Variants in PLEKHO2 observed in about 807,000 individuals in gnomAD.
The protein encoded by PLEKHO2 is pleckstrin homology domain-containing family O member 2.
PLEKHO2 carries 20 observed loss-of-function variants against 32.7 expected under a neutral mutation model. The observed-to-expected ratio is 0.61, with a 90% CI of 0.43 to 0.89. The LOEUF (loss-of-function observed/expected upper bound fraction) is 0.89. Among genes scored for constraint, PLEKHO2 ranks in the 40% least tolerant of loss-of-function variants. The pLI is 0.00. For synonymous variants in PLEKHO2, 247 were observed against 246.3 expected (o/e 1.00, Z -0.03); for missense variants, 568 against 621.2 (o/e 0.91, Z 0.91).
At chr15:64,861,969 A>G (rs1022459096) in intron 5 of PLEKHO2, among the ~76,000 whole-genome samples, 2 of 152,174 alleles carry the variant, frequency 1.3e-5, no homozygotes, top group African/African-American at 4.8e-5. Context: ...CTAGGAGGTC[A>G]GGGCAGGAGG....
chr15:64,844,347 T>C (rs1195508884), intron 1 of PLEKHO2, among the ~76,000 whole-genome samples: 1 of 152,224 alleles, frequency 6.6e-6, no homozygotes, highest in Non-Finnish European at 1.5e-5. Context: ...CCCACCTGTG[T>C]GCTCCTGGCC....
intron 3 of PLEKHO2, among the ~76,000 whole-genome samples, chr15:64,858,422 A>G (rs1006221059): frequency 2.6e-5 from 4 of 152,186 alleles, no homozygotes; most frequent in Non-Finnish European, 5.9e-5. Flanking sequence ...CAAGCTGGCG[A>G]CCGCCAACAA....
chr15:64,863,062 C>T (rs760742717), intron 5 of PLEKHO2, among the ~76,000 whole-genome samples: 4 of 151,636 alleles, frequency 2.6e-5, no homozygotes, highest in East Asian at 1.9e-4. Context: ...CTCAGCCTCT[C>T]GAGTAGCTGG....
At chr15:64,853,529 C>T (rs945119552) in intron 2 of PLEKHO2, among the ~76,000 whole-genome samples, 2 of 152,014 alleles carry the variant, frequency 1.3e-5, no homozygotes, top group East Asian at 1.9e-4. Flanking sequence ...CTCCTGAACT[C>T]GTGATCTGCC....
At position 64,841,933 on chromosome 15, in the gene PLEKHO2, G is replaced by A. The variant is rs1331010834; in HGVS notation, c.-84G>A. On this transcript the variant is annotated 5_prime_UTR_variant, in exon 1 of 6. Transcript: ENST00000323544. ...GCGGGACAGAACGCGGAGAGTCGCCGCCTGGCCGGGCGTAGACGCGGTGGC... is the reference window on the plus strand; with the variant it reads ...GCGGGACAGAACGCGGAGAGTCGCCACCTGGCCGGGCGTAGACGCGGTGGC... 4 of 1,215,452 alleles carry A rather than the reference G, an allele frequency of 3.3e-6. No individual in the cohort carries two copies. The highest frequency in any genetic ancestry group is 3.9e-5 in the South Asian group (1 of 25,690). The allele number at this position is 1,215,452 out of a possible 1,614,324, so 75.3% of individuals were successfully genotyped here. A position where few individuals can be genotyped will look rare whatever the true frequency, so the allele number is the denominator to read the frequency against.
chr15:64,854,060 G>A (rs2084589698), intron 2 of PLEKHO2, among the ~76,000 whole-genome samples: 1 of 152,316 alleles, frequency 6.6e-6, no homozygotes, highest in South Asian at 2.1e-4. Flanking sequence ...CCAGGAAGTT[G>A]TTCCAGTTGG....
intron 1 of PLEKHO2, among the ~76,000 whole-genome samples, chr15:64,842,743 C>A (rs781178556): frequency 3.4e-4 from 51 of 152,236 alleles, no homozygotes; most frequent in Non-Finnish European, 6.8e-4. Context: ...CAACTGTGTC[C>A]CTGGAGCCTC....
In PLEKHO2 at chr15:64,865,489, T is replaced by C; in HGVS notation, c.1074T>C (p.Ala358=). 6.2e-7 allele frequency: 1 copy of C among 1,614,026 alleles called. No individual in the cohort carries two copies. Among genetic ancestry groups the C allele is most frequent in the Non-Finnish European group, 8.5e-7 (1 of 1,180,006 alleles). Residue 358 remains alanine (A), a synonymous_variant, in exon 6 of 6, where the codon GCT becomes GCC. Coordinates refer to ENST00000323544, the MANE Select transcript of PLEKHO2 (RefSeq NM_025201.5). ...CTGAGCCTGCCAAGCCCTCTCAGGC[T>C]GAGGGCACCCCAGGAACTCCTCCAA... ...DSPEPAKPSQ[A]EGTPGTPPKD... is the part of the protein sequence containing the mutation.
At chr15:64,853,803 C>A (rs1193403379) in intron 2 of PLEKHO2, among the ~76,000 whole-genome samples, 1 of 152,178 alleles carries the variant, frequency 6.6e-6, no homozygotes, top group African/African-American at 2.4e-5. Context: ...TAGGGCAAAT[C>A]CCTTCACCTC....
chr15:64,843,564 ACAT>A (rs1415083863), intron 1 of PLEKHO2, among the ~76,000 whole-genome samples: 2 of 148,168 alleles, frequency 1.3e-5, no homozygotes, highest in Non-Finnish European at 3.0e-5. Flanking sequence ...TGAATCTCTC[ACAT>A]TGTCACTTTC....
chr15:64,858,081 G>A (rs2084617210), intron 3 of PLEKHO2, among the ~76,000 whole-genome samples: 1 of 152,202 alleles, frequency 6.6e-6, no homozygotes, highest in Non-Finnish European at 1.5e-5. Context: ...GAGTTGGGTG[G>A]CCTTAGCGAC....
chr15:64,856,652 G>T (rs1274943603), intron 3 of PLEKHO2, among the ~76,000 whole-genome samples: 1 of 152,222 alleles, frequency 6.6e-6, no homozygotes. Flanking sequence ...AACAGGACAA[G>T]AATTTAGGCT....
intron 1 of PLEKHO2, among the ~76,000 whole-genome samples, chr15:64,842,328 G>A (rs1005703352): frequency 6.6e-6 from 1 of 152,100 alleles, no homozygotes; most frequent in African/African-American, 2.4e-5. Flanking sequence ...TGCTGAAAGT[G>A]GCCTGGGTGA....
At chr15:64,856,898 G>A (rs901381638) in intron 3 of PLEKHO2, among the ~76,000 whole-genome samples, 4 of 152,176 alleles carry the variant, frequency 2.6e-5, no homozygotes, top group Admixed American at 6.5e-5. Context: ...GCCTCCAGCC[G>A]GCCAGGAGGT....
rs78911433 is a variant in PLEKHO2 at position 64,864,142 on chromosome 15, C to G, written c.484-757C>G. On this transcript the variant is annotated intron_variant, in intron 5 of 5. Transcript: ENST00000323544. ...ACCTTGGGAAAGGCCTCCTGCCCAG[C>G]CCTGCTGGGGCCTCTGAGGCTCTCT... is the stretch of plus-strand genomic sequence containing the variant. Among the ~76,000 whole-genome samples the G allele has an allele frequency of 5.9e-5, 9 of 152,296 alleles. No homozygotes were observed. In the East Asian group the frequency reaches 7.7e-4, roughly 13 times the overall value.
At chr15:64,845,282 G>A (rs1414975576) in intron 1 of PLEKHO2, among the ~76,000 whole-genome samples, 4 of 150,444 alleles carry the variant, frequency 2.7e-5, no homozygotes, top group African/African-American at 9.8e-5. Context: ...TGCCTCAGGA[G>A]CTGCTCACAG....
chr15:64,850,994 A>G (rs2084563858), intron 2 of PLEKHO2, among the ~76,000 whole-genome samples: 1 of 152,200 alleles, frequency 6.6e-6, no homozygotes, highest in Non-Finnish European at 1.5e-5. Flanking sequence ...GCCTCAGGCT[A>G]TCTTGGCAAA....
chr15:64,861,601 T>C (rs1412501672), intron 5 of PLEKHO2, 26 bp downstream of exon 5: 1 of 1,542,906 alleles, frequency 6.5e-7, no homozygotes, highest in Non-Finnish European at 8.8e-7. Context: ...GTGTGGATGT[T>C]GGGGTTAGTT....
chr15:64,844,042 T>C (rs1157182717), intron 1 of PLEKHO2, among the ~76,000 whole-genome samples: 1 of 152,222 alleles, frequency 6.6e-6, no homozygotes, highest in Non-Finnish European at 1.5e-5. Context: ...TTCCTCCCAC[T>C]TCTCCCAGTA....
Sources: allele counts gnomAD v4.1 joint callset (sites outside exome capture counted in the v4.1 genomes callset), GRCh38; gene constraint gnomAD v4.1.1; transcripts MANE v1.5; gene names NCBI Gene and HGNC (gene_info 2026-07-23, HGNC 2026-07-21).